The following TMEM132C variants were observed in gnomAD, a reference collection of about 807,000 sequenced individuals.
The protein encoded by TMEM132C is transmembrane protein 132C.
In TMEM132C, 29 loss-of-function variants were observed where a neutral mutation model predicts 61.4. The observed-to-expected ratio is 0.47, with a 90% confidence interval of 0.35 to 0.64. The LOEUF (loss-of-function observed/expected upper bound fraction) is 0.64. Ranked by LOEUF, TMEM132C falls within the 30% of genes least tolerant of loss-of-function variation. TMEM132C has a pLI of 0.00. For synonymous variants in TMEM132C, 656 were observed against 633.1 expected, an observed-to-expected ratio of 1.04 and a Z score of -0.54; for missense variants, 1,408 against 1,476.9, an observed-to-expected ratio of 0.95 and a Z score of 0.76.
At chr12:128,490,166 G>A (rs1295249750) in intron 2 of TMEM132C, among the ~76,000 whole-genome samples, 1 of 152,200 alleles carries the variant, frequency 6.6e-6, no homozygotes, top group Non-Finnish European at 1.5e-5. Flanking sequence ...CTATCTTGGT[G>A]AGCACTCAGT....
At chr12:128,438,389 C>G (rs1436978081) in intron 2 of TMEM132C, among the ~76,000 whole-genome samples, 1 of 152,110 alleles carries the variant, frequency 6.6e-6, no homozygotes, top group Non-Finnish European at 1.5e-5. Context: ...CTCATGCTTC[C>G]TCTCTTGCCA....
At chr12:128,626,451 A>ATTTTTTTTTATTTTTTTT (rs368258323) in intron 4 of TMEM132C, among the ~76,000 whole-genome samples, 1 of 133,586 alleles carries the variant, frequency 7.5e-6, no homozygotes, top group African/African-American at 3.0e-5. Context: ...TTTTATTTTT[A>ATTTTTTTTTATTTTTTTT]TTTTTATTTT....
At chr12:128,319,354 C>CGAGAGAGAGAGAGAGAGAGAGAGAGA (rs71449340) in intron 1 of TMEM132C, among the ~76,000 whole-genome samples, 17 of 149,282 alleles carry the variant, frequency 1.1e-4, no homozygotes, top group African/African-American at 3.9e-4. Context: ...TTTGCAGTCC[C>CGAGAGAGAGAGAGAGAGAGAGAGAGA]GAGAGAGAGA....
chr12:128,437,817 C>T (rs545205243), intron 2 of TMEM132C: 2 of 152,318 alleles, frequency 1.3e-5, no homozygotes, highest in South Asian at 4.1e-4. Context: ...GCCCCCATCT[C>T]TTGGCAATCT....
At chr12:128,624,251 T>C (rs749293366) in intron 4 of TMEM132C, among the ~76,000 whole-genome samples, 16 of 151,932 alleles carry the variant, frequency 1.1e-4, no homozygotes, top group Non-Finnish European at 1.8e-4. Context: ...TTCTCATCTG[T>C]AAAATAGGAA....
At chr12:128,318,160 A>G (rs1872213861) in intron 1 of TMEM132C, among the ~76,000 whole-genome samples, 1 of 152,224 alleles carries the variant, frequency 6.6e-6, no homozygotes, top group African/African-American at 2.4e-5. Flanking sequence ...AATCAAAAAC[A>G]GAAGTTTGGA....
chr12:128,689,491 C>T (rs1954702960), intron 5 of TMEM132C, among the ~76,000 whole-genome samples: 4 of 152,156 alleles, frequency 2.6e-5, no homozygotes, highest in Non-Finnish European at 4.4e-5. Context: ...GGTCCACAAA[C>T]TTGGGTGTAC....
At chr12:128,676,041 C>T (rs1395260517) in intron 5 of TMEM132C, among the ~76,000 whole-genome samples, 1 of 152,150 alleles carries the variant, frequency 6.6e-6, no homozygotes, top group Non-Finnish European at 1.5e-5. Flanking sequence ...AATGTTGATA[C>T]AATATATTAT....
At chr12:128,689,808 A>T (rs938121296) in intron 5 of TMEM132C, among the ~76,000 whole-genome samples, 1 of 152,200 alleles carries the variant, frequency 6.6e-6, no homozygotes, top group Non-Finnish European at 1.5e-5. Flanking sequence ...CAGCATCCGC[A>T]GCCGCTGGTT....
At chr12:128,644,670 A>G (rs1454724790) in intron 4 of TMEM132C, among the ~76,000 whole-genome samples, 1 of 152,216 alleles carries the variant, frequency 6.6e-6, no homozygotes, top group Non-Finnish European at 1.5e-5. Flanking sequence ...GGATTGTGGT[A>G]CAGGCTACAC....
intron 2 of TMEM132C, among the ~76,000 whole-genome samples, chr12:128,446,073 A>G (rs1441504212): frequency 6.6e-6 from 1 of 152,218 alleles, no homozygotes; most frequent in Non-Finnish European, 1.5e-5. Flanking sequence ...GAGACTTGTC[A>G]GTATTTGGAC....
intron 1 of TMEM132C, among the ~76,000 whole-genome samples, chr12:128,303,452 A>G (rs1871662835): frequency 6.6e-6 from 1 of 152,222 alleles, no homozygotes; most frequent in Non-Finnish European, 1.5e-5. Context: ...TGAGGGAACA[A>G]TGATTTTAAT....
intron 1 of TMEM132C, among the ~76,000 whole-genome samples, chr12:128,360,957 T>A (rs1873690688): frequency 2.0e-5 from 3 of 152,296 alleles, no homozygotes; most frequent in Non-Finnish European, 4.4e-5. Flanking sequence ...ACCATATTTC[T>A]CATTCACTGA....
intron 2 of TMEM132C, among the ~76,000 whole-genome samples, chr12:128,532,121 T>G (rs1873333613): frequency 6.6e-6 from 1 of 152,254 alleles, no homozygotes; most frequent in Non-Finnish European, 1.5e-5. Context: ...TTGCCAGTGT[T>G]GCACGCATGC....
At chr12:128,584,302 A>C (rs61938633) in intron 3 of TMEM132C, among the ~76,000 whole-genome samples, 43 of 152,190 alleles carry the variant, frequency 2.8e-4, no homozygotes, top group Non-Finnish European at 5.0e-4. Context: ...TCTATGCATG[A>C]AAGTTGCAAT....
At position 128,630,451 on chromosome 12, in the gene TMEM132C, C is replaced by T. The variant is rs372379903; in HGVS notation, c.1305+14116C>T. On this transcript the variant is annotated intron_variant, in intron 4 of 8. Transcript: ENST00000435159. The surrounding 1 kb of genome is among the most constrained non-coding windows in gnomAD (Gnocchi z 4.3). ...CTTCTCACAGCTGGCTCCCAGGCTT[C>T]ATCCAGGCATCTACTCAAATATCCC... is the stretch of plus-strand genomic sequence containing the variant. Among the ~76,000 whole-genome samples the T allele has an allele frequency of 6.6e-5, 10 of 152,190 alleles. No homozygotes were observed. The highest frequency in any genetic ancestry group is 1.9e-4 in the African/African-American group (8 of 41,450).
At chr12:128,372,148 T>C (rs1325158955) in intron 1 of TMEM132C, among the ~76,000 whole-genome samples, 1 of 152,218 alleles carries the variant, frequency 6.6e-6, no homozygotes, top group Non-Finnish European at 1.5e-5. Flanking sequence ...AGGGAGGTCC[T>C]GTCTGAGAAT....
chr12:128,326,278 C>A lies in TMEM132C; in HGVS notation c.85+58791C>A, dbSNP rs1330029382. On this transcript the variant is annotated intron_variant, in intron 1 of 8. Transcript: ENST00000435159. This position sits in a 1 kb window ranked among gnomAD's most constrained non-coding sequence, Gnocchi z 5.6. Reference sequence around the variant, plus strand: ...TCCCCACCACCATCACTCCATGAACCCCCCAGCCTCCCTGGGCTCTTCTCC... The same window carrying A: ...TCCCCACCACCATCACTCCATGAACACCCCAGCCTCCCTGGGCTCTTCTCC... Among the ~76,000 whole-genome samples the A allele has an allele frequency of 1.3e-5, 2 of 152,110 alleles. No individual in the cohort carries two copies. Among genetic ancestry groups the A allele is most frequent in the African/African-American group, 4.8e-5 (2 of 41,428 alleles).
intron 2 of TMEM132C, among the ~76,000 whole-genome samples, chr12:128,484,519 C>T (rs1366209909): frequency 6.6e-6 from 1 of 152,152 alleles, no homozygotes; most frequent in Non-Finnish European, 1.5e-5. Flanking sequence ...AGACTTCTGC[C>T]TCCTATAAAC....
Sources: gnomAD v4.1 joint callset for allele counts (sites outside exome capture counted in the v4.1 genomes callset) on GRCh38, gnomAD v4.1.1 for gene constraint, Gnocchi (gnomAD v3.1) non-coding constraint, MANE v1.5 for transcripts, NCBI Gene and HGNC (gene_info 2026-07-23, HGNC 2026-07-21) for gene names.